Variants in FAM91A1 observed in about 807,000 individuals in gnomAD.
FAM91A1 encodes the protein protein FAM91A1.
Under a neutral mutation model 113.5 loss-of-function variants are expected in FAM91A1, and 41 were observed. The ratio of observed to expected loss-of-function variants is 0.36; its 90% CI spans 0.28 to 0.47. The LOEUF is 0.47. FAM91A1 is among the 20% of genes least tolerant of loss of function. The pLI is 1.00. For synonymous variants in FAM91A1, 307 were observed against 347.9 expected, an observed-to-expected ratio of 0.88 and a Z score of 1.31; for missense variants, 696 against 1,001.2, an observed-to-expected ratio of 0.70 and a Z score of 4.11.
At chr8:123,782,021 C>T (rs1815137257) in intron 8 of FAM91A1, among the ~76,000 whole-genome samples, 1 of 152,174 alleles carries the variant, frequency 6.6e-6, no homozygotes, top group Admixed American at 6.5e-5. Flanking sequence ...TGAGATCCAC[C>T]TATTAATAAA....
intron 15 of FAM91A1, among the ~76,000 whole-genome samples, chr8:123,793,334 A>T (rs1042033634): frequency 6.6e-6 from 1 of 152,168 alleles, no homozygotes; most frequent in South Asian, 2.1e-4. Flanking sequence ...TTTAGAATCC[A>T]TTGGTGGTTC....
intron 13 of FAM91A1, 78 bp downstream of exon 13, chr8:123,787,451 T>G (rs1311121620): frequency 3.4e-6 from 4 of 1,166,664 alleles, no homozygotes; most frequent in Non-Finnish European, 4.9e-6. Flanking sequence ...CTTTTATATC[T>G]TTTTTAAAGT....
rs763917790 is a variant in FAM91A1, at chr8:123,789,665, C to T, written c.1331C>T (p.Thr444Ile). Residue 444 changes from threonine to isoleucine, a missense_variant, in exon 15 of 24, where the codon ACT becomes ATT. Physicochemically the swap from Thr to Ile is moderately conservative, Grantham distance 89 (BLOSUM62 -1). Transcript: ENST00000334705. ...CAGAGATATTTTGATCATGCACTTA[C>T]TCTGAGAAACACAATACTGTTTCTG... ...EAQRYFDHALTLRNTILFLRH... is the reference protein window; with the variant it reads ...EAQRYFDHALILRNTILFLRH... 3 of 1,612,278 alleles carry T rather than the reference C, an allele frequency of 1.9e-6. No homozygotes were observed. Among genetic ancestry groups the T allele is most frequent in the Admixed American group, 1.7e-5 (1 of 59,958 alleles).
At chr8:123,779,156 C>T (rs1373350080) in intron 6 of FAM91A1, among the ~76,000 whole-genome samples, 1 of 152,162 alleles carries the variant, frequency 6.6e-6, no homozygotes, top group African/African-American at 2.4e-5. Context: ...CTCATAACAG[C>T]CCCAGAGGTA....
At chr8:123,772,668 C>A (rs905865681) in intron 1 of FAM91A1, among the ~76,000 whole-genome samples, 1 of 152,160 alleles carries the variant, frequency 6.6e-6, no homozygotes, top group African/African-American at 2.4e-5. Flanking sequence ...AGTTGAAAAT[C>A]CATGTATAAC....
chr8:123,778,841 C>A (rs1400965713), intron 6 of FAM91A1, 69 bp downstream of exon 6: 9 of 1,029,276 alleles, frequency 8.7e-6, no homozygotes, highest in South Asian at 2.5e-5. Flanking sequence ...TTAATTATAG[C>A]TTATAATTTT....
intron 11 of FAM91A1, chr8:123,786,064 C>A (rs1183416859): frequency 2.9e-6 from 1 of 348,226 alleles, no homozygotes; most frequent in Non-Finnish European, 5.6e-6. Context: ...ACTGATCCAC[C>A]CACCTTGGCC....
At position 123,780,530 on chromosome 8, in the gene FAM91A1, A is replaced by G; in HGVS notation, c.691A>G (p.Ser231Gly). ...IYLDVPISDD[S>G]CIAVPPLEGF... Reference sequence around the variant, plus strand: ...TCTGGATGTACCAATATCTGATGACAGTTGTATAGCAGGTAAGTCCGTGCT... The same window carrying G: ...TCTGGATGTACCAATATCTGATGACGGTTGTATAGCAGGTAAGTCCGTGCT... Residue 231 changes from serine to glycine, a missense_variant, in exon 8 of 24, where the codon AGT becomes GGT. Physicochemically the swap from Ser to Gly is moderately conservative, Grantham distance 56. Coordinates refer to ENST00000334705, the MANE Select transcript of FAM91A1 (RefSeq NM_144963.4). The G allele has an allele frequency of 6.2e-7, 1 of 1,611,430 alleles. No individual in the cohort carries two copies. Among genetic ancestry groups the G allele is most frequent in the Non-Finnish European group, 8.5e-7 (1 of 1,179,120 alleles).
intron 23 of FAM91A1, chr8:123,811,113 G>T (rs1815942973): frequency 1.3e-5 from 2 of 152,206 alleles, no homozygotes; most frequent in African/African-American, 4.8e-5. Context: ...CCAAAAAGTT[G>T]GAAAAGAATA....
rs16898872 is a variant in FAM91A1, at chr8:123,798,080, C to G, written c.1412-10C>G. ...CTTTTATTCTGTGTGTGTGCTTGAT[C>G]ATAACTCAGGTTTTCCTCTGGATCT... On this transcript the variant is annotated splice_polypyrimidine_tract_variant and intron_variant, in intron 15 of 23. Transcript: ENST00000334705. 5,109 of 1,608,356 alleles carry G rather than the reference C, an allele frequency of 3.2e-3. 135 individuals carry two copies. The African/African-American group carries it at 0.059, about 19-fold the overall frequency.
intron 15 of FAM91A1, among the ~76,000 whole-genome samples, chr8:123,793,334 A>G (rs1042033634): frequency 6.6e-6 from 1 of 152,168 alleles, no homozygotes; most frequent in Non-Finnish European, 1.5e-5. Flanking sequence ...TTTAGAATCC[A>G]TTGGTGGTTC....
intron 18 of FAM91A1, among the ~76,000 whole-genome samples, chr8:123,801,600 C>G (rs1464578959): frequency 6.6e-6 from 1 of 152,182 alleles, no homozygotes; most frequent in Non-Finnish European, 1.5e-5. Context: ...GGAAAAGCTG[C>G]ATAAGCACTC....
intron 8 of FAM91A1, among the ~76,000 whole-genome samples, chr8:123,782,175 C>T (rs1324476118): frequency 6.6e-6 from 1 of 152,192 alleles, no homozygotes; most frequent in Non-Finnish European, 1.5e-5. Flanking sequence ...AGATGGATGG[C>T]TGCCCCATTA....
At chr8:123,805,486 G>A (rs1815781261) in intron 19 of FAM91A1, 147 bp downstream of exon 19, 2 of 668,096 alleles carry the variant, frequency 3.0e-6, no homozygotes, top group Admixed American at 5.9e-5. Context: ...GCAAAAGGTA[G>A]TTTTTTGTCA....
intron 20 of FAM91A1, among the ~76,000 whole-genome samples, chr8:123,806,966 G>C (rs977866251): frequency 1.2e-4 from 18 of 150,218 alleles, no homozygotes; most frequent in Admixed American, 1.1e-3. Flanking sequence ...AGTTGTTTCT[G>C]CTCTGGCATA....
chr8:123,789,544 A>G (rs1427492309), intron 14 of FAM91A1, 69 bp from the exon 15 acceptor site: 2 of 1,596,606 alleles, frequency 1.3e-6, no homozygotes, highest in Non-Finnish European at 1.7e-6. Flanking sequence ...TATCTCTATT[A>G]TATGATTATT....
intron 1 of FAM91A1, among the ~76,000 whole-genome samples, chr8:123,770,478 C>A (rs1042981027): frequency 1.3e-5 from 2 of 152,104 alleles, no homozygotes; most frequent in Non-Finnish European, 2.9e-5. Context: ...AAGCTCTAAA[C>A]CTGAAGGAAT....
intron 8 of FAM91A1, 101 bp from the exon 9 acceptor site, chr8:123,784,369 C>T (rs1423016939): frequency 1.3e-6 from 1 of 783,440 alleles, no homozygotes; most frequent in Non-Finnish European, 2.0e-6. Context: ...TGCATTCAGT[C>T]CCTAAGTTAG....
chr8:123,785,757 T>C lies in FAM91A1; in HGVS notation c.962+16T>C, dbSNP rs1815237507. ...ACAGATTAAAGTAACTTAAATTTAT[T>C]CAGTATGAGCTATTAGAGTTTCCTT... On this transcript the variant is annotated intron_variant, in intron 11 of 23. Transcript: ENST00000334705. 6.9e-7 allele frequency: 1 copy of C among 1,456,876 alleles called. No homozygotes were observed. Among genetic ancestry groups the C allele is most frequent in the Non-Finnish European group, 9.4e-7 (1 of 1,065,044 alleles). The allele number at this position is 1,456,876 out of a possible 1,614,324, so 90.2% of individuals were successfully genotyped here.
Sources: gnomAD v4.1 joint callset for allele counts (sites outside exome capture counted in the v4.1 genomes callset) on GRCh38, gnomAD v4.1.1 for gene constraint, MANE v1.5 for transcripts, NCBI Gene and HGNC (gene_info 2026-07-23, HGNC 2026-07-21) for gene names.